Variants in MIDEAS observed in about 807,000 individuals in gnomAD.
MIDEAS encodes mitotic deacetylase associated SANT domain protein, also known as mitotic deacetylase-associated SANT domain protein.
In MIDEAS, 26 loss-of-function variants were observed where a neutral mutation model predicts 102.7. The ratio of observed to expected loss-of-function variants is 0.25; its 90% CI spans 0.19 to 0.35. The LOEUF (loss-of-function observed/expected upper bound fraction) is 0.35, where lower values mean the gene tolerates loss of function less well. MIDEAS is among the 10% of genes least tolerant of loss of function. The probability of loss-of-function intolerance (pLI) is 1.00; values close to 1 mark genes in which losing one functional copy is unlikely to be tolerated. For synonymous variants in MIDEAS, 585 were observed against 591.0 expected, an observed-to-expected ratio of 0.99 and a Z score of 0.15; for missense variants, 1,231 against 1,435.6, an observed-to-expected ratio of 0.86 and a Z score of 2.30.
rs767813256 is a variant in MIDEAS, at chr14:73,729,680, GGGA to G, written c.2052_2054del (p.Pro685del). The G allele has an allele frequency of 2.5e-6, 4 of 1,613,694 alleles. No individual in the cohort carries two copies. In the Admixed American group the frequency reaches 5.0e-5, roughly 20 times the overall value. On this transcript the variant is annotated inframe_deletion, in exon 4 of 13. Coordinates refer to ENST00000423556, the MANE Select transcript of MIDEAS (RefSeq NM_001367710.1). ...TGCGATGGGCACTCTTAGGCGTGATGGGAGGAGGGGCAGGGATGGTGCTGGTTG... is the reference window on the plus strand; with the variant it reads ...TGCGATGGGCACTCTTAGGCGTGATGGGAGGGGCAGGGATGGTGCTGGTTG...
intron 7 of MIDEAS, among the ~76,000 whole-genome samples, chr14:73,726,320 C>A (rs1367008444): frequency 6.6e-6 from 1 of 152,158 alleles, no homozygotes; most frequent in Non-Finnish European, 1.5e-5. Flanking sequence ...GAGTCCATGG[C>A]CCCAAGGGAG....
In MIDEAS at chr14:73,718,519, C is replaced by A. The variant is rs1018645264; in HGVS notation, c.*324G>T. 4.3e-6 allele frequency: 1 copy of A among 230,922 alleles called. No homozygotes were observed. 14.3% of individuals were successfully genotyped at this position (230,922 alleles called of 1,614,324 possible). A position where few individuals can be genotyped will look rare whatever the true frequency, so the allele number is the denominator to read the frequency against. Reference sequence around the variant, plus strand: ...GGAAGCAAATAAAGGGAAAAGACTGCGGGGCAGCAGAGCAGCAGAAATCGG... The same window carrying A: ...GGAAGCAAATAAAGGGAAAAGACTGAGGGGCAGCAGAGCAGCAGAAATCGG... On this transcript the variant is annotated 3_prime_UTR_variant, in exon 13 of 13. Transcript: ENST00000423556.
chr14:73,748,683 T>A lies in MIDEAS; in HGVS notation c.-247-8428A>T, dbSNP rs562760989. Among the ~76,000 whole-genome samples the A allele has an allele frequency of 2.7e-5, 4 of 150,870 alleles. No individual in the cohort carries two copies. The South Asian group carries it at 6.3e-4, about 24-fold the overall frequency. The stretch of plus-strand genomic sequence containing the variant: ...ACTCAGGAGGCTGAGACAGGAGAAC[T>A]ATTTGAACCTGAGAGGTGGAGGCTG... On this transcript the variant is annotated intron_variant, in intron 1 of 12. Coordinates refer to ENST00000423556, the MANE Select transcript of MIDEAS (RefSeq NM_001367710.1).
chr14:73,740,630 G>C (rs1329194260), intron 1 of MIDEAS, among the ~76,000 whole-genome samples: 6 of 152,356 alleles, frequency 3.9e-5, no homozygotes, highest in African/African-American at 1.4e-4. Flanking sequence ...GAAAGAGGCA[G>C]CAAAAGCCAC....
At chr14:73,753,770 G>C (rs987465827) in intron 1 of MIDEAS, among the ~76,000 whole-genome samples, 1 of 152,158 alleles carries the variant, frequency 6.6e-6, no homozygotes, top group African/African-American at 2.4e-5. Context: ...CCGGCCTACA[G>C]ACCCAGGAGA....
chr14:73,719,033 G>C, intron 12 of MIDEAS, 25 bp from the exon 13 acceptor site: 1 of 1,460,014 alleles, frequency 6.8e-7, no homozygotes, highest in African/African-American at 1.4e-5. Context: ...GGGTTGCTCA[G>C]AACCGGCCTA....
rs2052939823 is a variant in MIDEAS at position 73,718,947 on chromosome 14, T to C, written c.3196A>G (p.Lys1066Glu). The C allele has an allele frequency of 7.2e-6, 11 of 1,524,456 alleles. No homozygotes were observed. Among genetic ancestry groups the C allele is most frequent in the Non-Finnish European group, 9.6e-6 (11 of 1,142,916 alleles). The allele number at this position is 1,524,456 out of a possible 1,614,324, so 94.4% of individuals were successfully genotyped here. The change falls in exon 13 of 13, where the codon AAG (lysine) becomes GAG (glutamate). Residue 1066 changes from lysine (K) to glutamate (E), a missense_variant. By Grantham distance (56) the Lys-to-Glu change is moderately conservative (BLOSUM62 1). Coordinates refer to ENST00000423556, the MANE Select transcript of MIDEAS (RefSeq NM_001367710.1). ...HMKSHAEQEKKAAALRLKEKE... is the reference protein window; with the variant it reads ...HMKSHAEQEKEAAALRLKEKE... The stretch of plus-strand genomic sequence containing the variant: ...TCCTTCAGCCTCAGCGCTGCAGCCT[T>C]CTTCTCCTGCTCTGCGTGGCTCTTC...
intron 1 of MIDEAS, among the ~76,000 whole-genome samples, chr14:73,780,719 C>A (rs996478355): frequency 2.0e-5 from 3 of 152,190 alleles, no homozygotes; most frequent in Admixed American, 6.5e-5. Flanking sequence ...GAACTGGGAG[C>A]ATTCCTCTGT....
intron 1 of MIDEAS, among the ~76,000 whole-genome samples, chr14:73,780,760 A>G (rs1296895185): frequency 1.3e-5 from 2 of 152,182 alleles, no homozygotes; most frequent in African/African-American, 2.4e-5. Flanking sequence ...CATGTTCTGC[A>G]CTTAGAAAAC....
chr14:73,719,212 C>T, intron 12 of MIDEAS, 93 bp downstream of exon 12: 4 of 1,516,034 alleles, frequency 2.6e-6, no homozygotes, highest in Non-Finnish European at 3.5e-6. Flanking sequence ...CGGACACCGC[C>T]TGTACCTCTT....
chr14:73,721,247 C>A, intron 11 of MIDEAS, 50 bp downstream of exon 11: 1 of 1,584,314 alleles, frequency 6.3e-7, no homozygotes, highest in Non-Finnish European at 8.6e-7. Flanking sequence ...GCCCCCAGGC[C>A]CAGCTCCACC....
chr14:73,719,533 A>G, intron 11 of MIDEAS, 32 bp from the exon 12 acceptor site: 1 of 1,603,556 alleles, frequency 6.2e-7, no homozygotes, highest in Non-Finnish European at 8.5e-7. Context: ...GAGTTGAGTG[A>G]TCTGAGCAAG....
chr14:73,756,279 T>C (rs2053478519), intron 1 of MIDEAS, among the ~76,000 whole-genome samples: 1 of 89,592 alleles, frequency 1.1e-5, no homozygotes, highest in Non-Finnish European at 2.3e-5. Context: ...TGTGTGTGTG[T>C]GTGTGTGTGT....
intron 1 of MIDEAS, among the ~76,000 whole-genome samples, chr14:73,753,761 C>T (rs921034958): frequency 1.3e-5 from 2 of 152,136 alleles, no homozygotes; most frequent in African/African-American, 4.8e-5. Context: ...GCAGAGCTTC[C>T]GGCCTACAGA....
intron 3 of MIDEAS, among the ~76,000 whole-genome samples, chr14:73,734,876 T>C (rs895676061): frequency 6.6e-5 from 10 of 152,270 alleles, no homozygotes; most frequent in Admixed American, 6.5e-4. Context: ...AAAAGAGCAG[T>C]ATGCAAGAAT....
At chr14:73,785,715 CT>C (rs1374494772) in intron 1 of MIDEAS, among the ~76,000 whole-genome samples, 1 of 152,190 alleles carries the variant, frequency 6.6e-6, no homozygotes, top group Admixed American at 6.5e-5. Context: ...CCTTTTCCTA[CT>C]GACGTCATCC....
rs1292157785 is a variant in MIDEAS at position 73,759,276 on chromosome 14, C to T, written c.-248+487G>A. Among the ~76,000 whole-genome samples, 3 of 152,182 alleles carry T rather than the reference C, an allele frequency of 2.0e-5. No homozygotes were observed. The highest frequency in any genetic ancestry group is 1.3e-4 in the Admixed American group (2 of 15,288). On this transcript the variant is annotated intron_variant, in intron 1 of 12. Coordinates refer to ENST00000423556, the MANE Select transcript of MIDEAS (RefSeq NM_001367710.1). This position sits in a 1 kb window ranked among gnomAD's most constrained non-coding sequence, Gnocchi z 6.7. ...GGAAGGGGCTCCCGCGCCAAGTTCC[C>T]TCAGCTGGCTAGCCCCTCGCCGCGC...
At chr14:73,751,647 C>T (rs2053421938) in intron 1 of MIDEAS, among the ~76,000 whole-genome samples, 1 of 152,134 alleles carries the variant, frequency 6.6e-6, no homozygotes, top group South Asian at 2.1e-4. Context: ...GTTTGTAATC[C>T]CAACACTTTG....
At chr14:73,770,727 G>C (rs1364003357) in intron 1 of MIDEAS, among the ~76,000 whole-genome samples, 1 of 152,102 alleles carries the variant, frequency 6.6e-6, no homozygotes, top group African/African-American at 2.4e-5. Context: ...TGACACCAGG[G>C]CTCTTTGTGG....
Sources: gnomAD v4.1 joint callset for allele counts (sites outside exome capture counted in the v4.1 genomes callset) on GRCh38, gnomAD v4.1.1 for gene constraint, Gnocchi (gnomAD v3.1) non-coding constraint, MANE v1.5 for transcripts, NCBI Gene and HGNC (gene_info 2026-07-23, HGNC 2026-07-21) for gene names.